The following TXNL4B variants were observed in gnomAD, a reference collection of about 807,000 sequenced individuals.
TXNL4B encodes the protein thioredoxin-like protein 4B.
In TXNL4B, 12 loss-of-function variants were observed where a neutral mutation model predicts 13.0. That is an observed-to-expected ratio of 0.92 (90% CI 0.59 to 1.49). The LOEUF (loss-of-function observed/expected upper bound fraction) is 1.49. Among genes scored for constraint, TXNL4B ranks in the 40% most tolerant of loss-of-function variants. TXNL4B has a pLI of 0.00. For missense variants in TXNL4B, 214 were observed against 173.6 expected (o/e 1.23, Z -1.31); for synonymous variants, 59 against 58.9 (o/e 1.00, Z -0.01).
intron 3 of TXNL4B, among the ~76,000 whole-genome samples, chr16:72,087,756 C>G (rs1226608618): frequency 6.6e-6 from 1 of 152,154 alleles, no homozygotes; most frequent in African/African-American, 2.4e-5. Context: ...CCTCCACCTC[C>G]TGGGCTCAAG....
In TXNL4B at chr16:72,086,754, G is replaced by C. The variant is rs1217841102; in HGVS notation, c.333C>G (p.Asp111Glu). 1 of 1,613,330 alleles carries C rather than the reference G, an allele frequency of 6.2e-7. No individual in the cohort carries two copies. Among genetic ancestry groups the C allele is most frequent in the African/African-American group, 1.3e-5 (1 of 74,916 alleles). Residue 111 changes from aspartate to glutamate, a missense_variant, in exon 4 of 4, where the codon GAC becomes GAG. Physicochemically the swap from Asp to Glu is conservative, Grantham distance 45. Coordinates refer to ENST00000268483, the MANE Select transcript of TXNL4B (RefSeq NM_017853.3). ...AGATTACTTCAATCAAATCTATGAA[G>C]TCTTGTTTGGTTTTGAAGCTTCCCA... ...KFVGSFKTKQ[D>E]FIDLIEVIYR...
intron 1 of TXNL4B, among the ~76,000 whole-genome samples, chr16:72,092,262 T>C (rs1469678183): frequency 6.6e-6 from 1 of 152,044 alleles, no homozygotes; most frequent in Non-Finnish European, 1.5e-5. Context: ...TACAAAAAAT[T>C]AGCCGGGCGT....
intron 2 of TXNL4B, among the ~76,000 whole-genome samples, chr16:72,089,598 T>C (rs2041872860): frequency 1.3e-5 from 2 of 152,344 alleles, no homozygotes; most frequent in Admixed American, 1.3e-4. Flanking sequence ...TTTCTTTCTT[T>C]GAATGCTTTT....
intron 1 of TXNL4B, 136 bp from the exon 2 acceptor site, chr16:72,090,922 T>C (rs560529242): frequency 2.8e-5 from 20 of 701,842 alleles, no homozygotes; most frequent in African/African-American, 2.7e-4. Context: ...CACTGTGGAG[T>C]TTCCCTCTCT....
At position 72,085,504 on chromosome 16, in the gene TXNL4B, C is replaced by T. The variant is rs1261381632; in HGVS notation, c.*1133G>A. On this transcript the variant is annotated 3_prime_UTR_variant, in exon 4 of 4. Coordinates refer to ENST00000268483, the MANE Select transcript of TXNL4B (RefSeq NM_017853.3). ...CAAAGTTATTAAAACAGGCAAATCC[C>T]ATATAGGTGACATTTCTATCCAACA... 1 of 152,872 alleles carries T rather than the reference C, an allele frequency of 6.5e-6. No individual in the cohort carries two copies. The highest frequency in any genetic ancestry group is 1.9e-4 in the East Asian group (1 of 5,198). 9.5% of individuals were successfully genotyped at this position (152,872 alleles called of 1,614,324 possible).
In TXNL4B at chr16:72,086,501, G is replaced by C; in HGVS notation, c.*136C>G. ...AGTGGGGTCTTTTCCTCAGGGGCCG[G>C]GTTTTCTACACGCAAGTCAAACCTC... On this transcript the variant is annotated 3_prime_UTR_variant, in exon 4 of 4. Coordinates refer to ENST00000268483, the MANE Select transcript of TXNL4B (RefSeq NM_017853.3). 4.1e-6 allele frequency: 3 copies of C among 731,948 alleles called. No individual in the cohort carries two copies. The South Asian group carries it at 8.2e-5, about 20-fold the overall frequency. The allele number at this position is 731,948 out of a possible 1,614,324, so 45.3% of individuals were successfully genotyped here.
chr16:72,085,144 T>C lies in TXNL4B; in HGVS notation c.*1493A>G, dbSNP rs2041804918. 2.5e-6 allele frequency: 1 copy of C among 397,410 alleles called. No homozygotes were observed. Among genetic ancestry groups the C allele is most frequent in the Admixed American group, 4.4e-5 (1 of 22,708 alleles). 24.6% of individuals were successfully genotyped at this position (397,410 alleles called of 1,614,324 possible). A position where few individuals can be genotyped will look rare whatever the true frequency, so the allele number is the denominator to read the frequency against. ...GACTCCCTCCTCTTATCAGCAGGGA[T>C]ACAAGCAGTGCCTGGCAGCCTTCCC... On this transcript the variant is annotated 3_prime_UTR_variant, in exon 4 of 4. Coordinates refer to ENST00000268483, the MANE Select transcript of TXNL4B (RefSeq NM_017853.3).
intron 3 of TXNL4B, among the ~76,000 whole-genome samples, chr16:72,087,888 C>T (rs187511902): frequency 1.3e-5 from 2 of 152,102 alleles, no homozygotes; most frequent in Non-Finnish European, 2.9e-5. Flanking sequence ...GGCGCGCTCT[C>T]GGCTCACTGC....
In TXNL4B at chr16:72,089,132, T is replaced by C. The variant is rs780160954; in HGVS notation, c.139A>G (p.Lys47Glu). Reference sequence around the variant, plus strand: ...ATTTTACTTAAGTCAGAAGAGGTCTTAGAAAGCTGCAAATGACGAGAGAGA... The same window carrying C: ...ATTTTACTTAAGTCAGAAGAGGTCTCAGAAAGCTGCAAATGACGAGAGAGA... ...VCLQLDDILS[K>E]TSSDLSKMAA... The change falls in exon 3 of 4, where the codon AAG becomes GAG. Residue 47 changes from lysine to glutamate, a missense_variant. By Grantham distance (56) the Lys-to-Glu change is moderately conservative. Transcript: ENST00000268483. 2.5e-6 allele frequency: 4 copies of C among 1,607,462 alleles called. No individual in the cohort carries two copies. The highest frequency in any genetic ancestry group is 1.7e-4 in the Middle Eastern group (1 of 6,048).
chr16:72,086,816 A>G lies in TXNL4B; in HGVS notation c.285-14T>C, dbSNP rs1428857066. 2 of 1,548,648 alleles carry G rather than the reference A, an allele frequency of 1.3e-6. No homozygotes were observed. On this transcript the variant is annotated splice_polypyrimidine_tract_variant and intron_variant, in intron 3 of 3. Transcript: ENST00000268483. ...TGATCTGGAGATCTAGACAGCATAG[A>G]AGAGAAACAACTGCTCTAAGAACTT...
Position 72,086,182 on chromosome 16 carries a change from T to C in TXNL4B, c.*455A>G, listed in dbSNP as rs930713464. On this transcript the variant is annotated 3_prime_UTR_variant, in exon 4 of 4. Transcript: ENST00000268483. ...ATGAGTCGAGGAACCGGCAAAGGGG[T>C]GTGGGGGTGTGTGTGTGTGTGTGTG... 8 of 151,882 alleles carry C rather than the reference T, an allele frequency of 5.3e-5. No individual in the cohort carries two copies. The highest frequency in any genetic ancestry group is 1.7e-4 in the African/African-American group (7 of 40,988). 9.4% of individuals were successfully genotyped at this position (151,882 alleles called of 1,614,324 possible).
At chr16:72,090,040 C>T (rs766776517) in intron 2 of TXNL4B, 17 of 454,656 alleles carry the variant, frequency 3.7e-5, no homozygotes, top group Non-Finnish European at 7.1e-5. Context: ...TAACACATCA[C>T]ACCCTCATTG....
rs1469995466 is a variant in TXNL4B, at chr16:72,086,543, A to G, written c.*94T>C. On this transcript the variant is annotated 3_prime_UTR_variant, in exon 4 of 4. Coordinates refer to ENST00000268483, the MANE Select transcript of TXNL4B (RefSeq NM_017853.3). ...TCAAACCTCTTCTCCTCTGGGACAC[A>G]TGTTTCCAAAGGACTCCAGAAACAC... The G allele has an allele frequency of 8.1e-7, 1 of 1,235,320 alleles. No individual in the cohort carries two copies. The highest frequency in any genetic ancestry group is 1.1e-6 in the Non-Finnish European group (1 of 877,010). The allele number at this position is 1,235,320 out of a possible 1,614,324, so 76.5% of individuals were successfully genotyped here. A position where few individuals can be genotyped will look rare whatever the true frequency, so the allele number is the denominator to read the frequency against.
intron 1 of TXNL4B, among the ~76,000 whole-genome samples, chr16:72,091,227 C>T (rs1267714987): frequency 6.6e-6 from 1 of 151,968 alleles, no homozygotes; most frequent in Admixed American, 6.5e-5. Context: ...CTAGTAACAG[C>T]GGGATGCTGT....
At position 72,091,061 on chromosome 16, in the gene TXNL4B, G is replaced by A. The variant is rs149420488; in HGVS notation, c.-37-275C>T. On this transcript the variant is annotated intron_variant, in intron 1 of 3. Transcript: ENST00000268483. ...ACCAAAAAATACAAATATGCGTTCCGATATTTTTTTTCTCTCTCTCCCCAC... is the reference window on the plus strand; with the variant it reads ...ACCAAAAAATACAAATATGCGTTCCAATATTTTTTTTCTCTCTCTCCCCAC... Among the ~76,000 whole-genome samples, 1,050 of 152,172 alleles carry A rather than the reference G, an allele frequency of 6.9e-3. 2 individuals carry two copies. Among genetic ancestry groups the A allele is most frequent in the Non-Finnish European group, 9.3e-3 (633 of 68,020 alleles).
upstream of TXNL4B, chr16:72,094,317 C>T (rs2041973539): frequency 6.6e-6 from 1 of 152,442 alleles, no homozygotes; most frequent in Non-Finnish European, 1.5e-5. Context: ...GGTCCCTCTC[C>T]CAGGCCTCCG....
intron 1 of TXNL4B, among the ~76,000 whole-genome samples, chr16:72,092,903 T>C (rs565331972): frequency 6.6e-6 from 1 of 152,316 alleles, no homozygotes; most frequent in Non-Finnish European, 1.5e-5. Flanking sequence ...AAGATAGTGG[T>C]AGGGGCAGGC....
intron 3 of TXNL4B, chr16:72,087,358 G>GTGTC (rs1337913801): frequency 6.6e-6 from 1 of 151,174 alleles, no homozygotes; most frequent in African/African-American, 2.4e-5. Flanking sequence ...GTGTGTGTGT[G>GTGTC]TGTGTGTGTG....
chr16:72,086,728 T>A lies in TXNL4B; in HGVS notation c.359A>T (p.Tyr120Phe). 6.2e-7 allele frequency: 1 copy of A among 1,613,976 alleles called. No homozygotes were observed. The highest frequency in any genetic ancestry group is 8.5e-7 in the Non-Finnish European group (1 of 1,179,826). Residue 120 changes from tyrosine to phenylalanine, a missense_variant, in exon 4 of 4, where the codon TAT becomes TTT. Physicochemically the swap from Tyr to Phe is conservative, Grantham distance 22. Coordinates refer to ENST00000268483, the MANE Select transcript of TXNL4B (RefSeq NM_017853.3). ...QDFIDLIEVI[Y>F]RGAMRGKLIV... The stretch of plus-strand genomic sequence containing the variant: ...AAGCTTCCCCCTCATTGCTCCTCGA[T>A]AGATTACTTCAATCAAATCTATGAA...
Sources: allele counts gnomAD v4.1 joint callset (sites outside exome capture counted in the v4.1 genomes callset), GRCh38; gene constraint gnomAD v4.1.1; transcripts MANE v1.5; gene names NCBI Gene and HGNC (gene_info 2026-07-23, HGNC 2026-07-21).